The following RABGAP1L variants were observed in gnomAD, a reference collection of about 807,000 sequenced individuals.
The protein encoded by RABGAP1L is RAB GTPase activating protein 1 like.
In RABGAP1L, 63 loss-of-function variants were observed where a neutral mutation model predicts 137.7. The ratio of observed to expected loss-of-function variants is 0.46; its 90% CI spans 0.37 to 0.56. RABGAP1L has a LOEUF of 0.56. Ranked by LOEUF, RABGAP1L falls within the 20% of genes least tolerant of loss-of-function variation. RABGAP1L has a pLI of 0.00. For synonymous variants in RABGAP1L, 431 were observed against 433.7 expected (o/e 0.99, Z 0.08); for missense variants, 1,095 against 1,244.0 (o/e 0.88, Z 1.80).
chr1:174,175,392 T>G (rs1420834610), intron 1 of RABGAP1L, among the ~76,000 whole-genome samples: 1 of 152,166 alleles, frequency 6.6e-6, no homozygotes, highest in African/African-American at 2.4e-5. Flanking sequence ...AATCTCTCAT[T>G]TGTGCTTTTA....
At chr1:174,164,769 A>G (rs914578517) in intron 1 of RABGAP1L, among the ~76,000 whole-genome samples, 4 of 152,222 alleles carry the variant, frequency 2.6e-5, no homozygotes, top group Admixed American at 2.6e-4. Flanking sequence ...TTGACTTCCA[A>G]ATTAATTTTA....
chr1:174,946,980 G>GTGTGTGTATA (rs770439099), intron 19 of RABGAP1L, among the ~76,000 whole-genome samples: 170 of 78,240 alleles, frequency 2.2e-3, no homozygotes, highest in African/African-American at 8.7e-3. Flanking sequence ...GTGTGTGTGT[G>GTGTGTGTATA]TATATATATG....
At chr1:174,603,884 G>A (rs1464993325) in intron 13 of RABGAP1L, among the ~76,000 whole-genome samples, 1 of 151,828 alleles carries the variant, frequency 6.6e-6, no homozygotes, top group African/African-American at 2.4e-5. Flanking sequence ...ACACTGCTTG[G>A]TGCCCTATTC....
chr1:174,343,432 T>G (rs1328872001), intron 11 of RABGAP1L, among the ~76,000 whole-genome samples: 3 of 152,188 alleles, frequency 2.0e-5, no homozygotes, highest in Non-Finnish European at 2.9e-5. Context: ...GTCTCATAAA[T>G]TTGCCAACAG....
chr1:174,754,894 AG>A (rs1233908347), intron 18 of RABGAP1L, among the ~76,000 whole-genome samples: 1 of 152,232 alleles, frequency 6.6e-6, no homozygotes, highest in Non-Finnish European at 1.5e-5. Context: ...TCTTGTGATG[AG>A]GGGACAGAAC....
chr1:174,833,390 G>A (rs190921103), intron 19 of RABGAP1L, among the ~76,000 whole-genome samples: 1 of 49,858 alleles, frequency 2.0e-5, no homozygotes, highest in African/African-American at 3.7e-5. Context: ...GTGTGTGTGT[G>A]TGTGTGTGTG....
At chr1:174,500,706 C>T (rs1295217043) in intron 13 of RABGAP1L, among the ~76,000 whole-genome samples, 1 of 152,090 alleles carries the variant, frequency 6.6e-6, no homozygotes, top group African/African-American at 2.4e-5. Flanking sequence ...TCATTTAATG[C>T]CATAACCTTC....
intron 12 of RABGAP1L, among the ~76,000 whole-genome samples, chr1:174,392,377 C>T (rs1350555368): frequency 3.3e-5 from 5 of 152,092 alleles, no homozygotes; most frequent in Non-Finnish European, 7.4e-5. Flanking sequence ...CACCTATTTA[C>T]TAATTTGAAA....
At chr1:174,826,514 G>A (rs1403569385) in intron 19 of RABGAP1L, among the ~76,000 whole-genome samples, 2 of 152,116 alleles carry the variant, frequency 1.3e-5, no homozygotes, top group Admixed American at 6.5e-5. Flanking sequence ...GAGCCACCAC[G>A]CCCGGCCACC....
At chr1:174,721,896 C>A (rs1681567004) in intron 17 of RABGAP1L, among the ~76,000 whole-genome samples, 1 of 152,162 alleles carries the variant, frequency 6.6e-6, no homozygotes, top group African/African-American at 2.4e-5. Context: ...TTCACAAATA[C>A]CTTTTTTATT....
At chr1:174,390,776 C>A (rs1482496431) in intron 12 of RABGAP1L, among the ~76,000 whole-genome samples, 2 of 151,972 alleles carry the variant, frequency 1.3e-5, no homozygotes, top group African/African-American at 4.8e-5. Context: ...CCTAGGTTTC[C>A]AGTTTGGATG....
rs563950600 is a variant in RABGAP1L at position 174,287,529 on chromosome 1, G to T, written c.1323+8750G>T. Reference sequence around the variant, plus strand: ...TTTTGAGAAGGAGTCTTACTTTGTTGCCCAGATTGGAGTACACTGGTGACT... The same window carrying T: ...TTTTGAGAAGGAGTCTTACTTTGTTTCCCAGATTGGAGTACACTGGTGACT... On this transcript the variant is annotated intron_variant, in intron 10 of 25. Transcript: ENST00000681986. Among the ~76,000 whole-genome samples, 104 of 152,202 alleles carry T rather than the reference G, an allele frequency of 6.8e-4. 1 individual carries two copies. The highest frequency in any genetic ancestry group is 2.3e-3 in the African/African-American group (95 of 41,528).
chr1:174,984,235 G>A (rs1415812836), intron 24 of RABGAP1L, among the ~76,000 whole-genome samples: 1 of 151,796 alleles, frequency 6.6e-6, no homozygotes, highest in Non-Finnish European at 1.5e-5. Flanking sequence ...CTGTGTCCAT[G>A]TGTTCTCAGT....
chr1:174,749,516 T>G (rs1684171214), intron 17 of RABGAP1L, among the ~76,000 whole-genome samples: 1 of 151,926 alleles, frequency 6.6e-6, no homozygotes, highest in Admixed American at 6.6e-5. Flanking sequence ...TACTTTCTTG[T>G]AGAGATGGGG....
chr1:174,474,214 T>C (rs1658249750), intron 13 of RABGAP1L, among the ~76,000 whole-genome samples: 1 of 152,212 alleles, frequency 6.6e-6, no homozygotes, highest in Non-Finnish European at 1.5e-5. Context: ...ATTTGTAGTA[T>C]CATTTTGCAT....
chr1:174,225,508 T>C (rs1374403366), intron 3 of RABGAP1L, among the ~76,000 whole-genome samples: 1 of 151,528 alleles, frequency 6.6e-6, no homozygotes, highest in African/African-American at 2.4e-5. Context: ...TTTTTTTTTT[T>C]TTTTTTTAAA....
intron 14 of RABGAP1L, among the ~76,000 whole-genome samples, chr1:174,671,414 T>C (rs1231617392): frequency 6.6e-6 from 1 of 152,212 alleles, no homozygotes; most frequent in Non-Finnish European, 1.5e-5. Context: ...CAGTTCAGCT[T>C]TTCCTCATTC....
intron 13 of RABGAP1L, among the ~76,000 whole-genome samples, chr1:174,620,391 A>T (rs191415800): frequency 2.5e-4 from 38 of 152,174 alleles, no homozygotes; most frequent in East Asian, 1.5e-3. Flanking sequence ...GAAGTAAAGC[A>T]CTCCTCAGCA....
In RABGAP1L at chr1:174,993,321, C is replaced by T. The variant is rs1485610084; in HGVS notation, c.*3320C>T. ...TGTTAAATTAGTACTTCTTCATTGG[C>T]TTTCTGAAATGTCCTGAGTAAAGTA... On this transcript the variant is annotated 3_prime_UTR_variant, in exon 26 of 26. Coordinates refer to ENST00000681986, the MANE Select transcript of RABGAP1L (RefSeq NM_001366446.1). 6.6e-6 allele frequency: 1 copy of T among 152,206 alleles called. No individual in the cohort carries two copies. The highest frequency in any genetic ancestry group is 1.5e-5 in the Non-Finnish European group (1 of 68,024). The allele number at this position is 152,206 out of a possible 1,614,324, so 9.4% of individuals were successfully genotyped here. A position where few individuals can be genotyped will look rare whatever the true frequency, so the allele number is the denominator to read the frequency against.
Sources: gnomAD v4.1 joint callset for allele counts (sites outside exome capture counted in the v4.1 genomes callset) on GRCh38, gnomAD v4.1.1 for gene constraint, MANE v1.5 for transcripts, NCBI Gene and HGNC (gene_info 2026-07-23, HGNC 2026-07-21) for gene names.